ARHGAP15: variants seen among roughly 807,000 people sequenced by gnomAD.
ARHGAP15 encodes rho GTPase-activating protein 15.
ARHGAP15 carries 51 observed loss-of-function variants against 63.7 expected under a neutral mutation model. The ratio of observed to expected loss-of-function variants is 0.80; its 90% CI spans 0.64 to 1.01. The LOEUF is 1.01. ARHGAP15 is among the 50% of genes least tolerant of loss of function. The pLI is 0.00. For missense variants in ARHGAP15, 560 were observed against 564.6 expected, an observed-to-expected ratio of 0.99 and a Z score of 0.08; for synonymous variants, 191 against 193.8, an observed-to-expected ratio of 0.99 and a Z score of 0.12.
At chr2:143,367,921 C>T (rs1249231862) in intron 6 of ARHGAP15, among the ~76,000 whole-genome samples, 2 of 151,912 alleles carry the variant, frequency 1.3e-5, no homozygotes, top group Non-Finnish European at 2.9e-5. Context: ...AAAAGAACTA[C>T]AGATATTTTA....
At chr2:143,348,199 TACTC>T (rs1376028610) in intron 6 of ARHGAP15, among the ~76,000 whole-genome samples, 1 of 152,202 alleles carries the variant, frequency 6.6e-6, no homozygotes, top group African/African-American at 2.4e-5. Flanking sequence ...CTTGATGTCA[TACTC>T]ACAATGCCTC....
At chr2:143,449,911 G>A (rs1296701913) in intron 8 of ARHGAP15, among the ~76,000 whole-genome samples, 1 of 151,608 alleles carries the variant, frequency 6.6e-6, no homozygotes, top group East Asian at 1.9e-4. Flanking sequence ...CCCCTAAAAT[G>A]TCCAGTCTTT....
intron 2 of ARHGAP15, among the ~76,000 whole-genome samples, chr2:143,160,488 C>T (rs1325872920): frequency 1.3e-5 from 2 of 151,956 alleles, no homozygotes; most frequent in East Asian, 3.9e-4. Context: ...TTCTTTACCA[C>T]TGGGAGGGCA....
chr2:143,145,813 G>T (rs1455648052), intron 1 of ARHGAP15, among the ~76,000 whole-genome samples: 2 of 149,950 alleles, frequency 1.3e-5, no homozygotes, highest in Admixed American at 1.3e-4. Flanking sequence ...GAGATAACAG[G>T]TCCTTCCAAT....
At chr2:143,534,178 G>A (rs1451813278) in intron 10 of ARHGAP15, among the ~76,000 whole-genome samples, 3 of 152,110 alleles carry the variant, frequency 2.0e-5, no homozygotes, top group African/African-American at 7.2e-5. Flanking sequence ...GAGTTCTCAC[G>A]AGATCTGATG....
At chr2:143,290,575 T>G (rs1232254559) in intron 6 of ARHGAP15, among the ~76,000 whole-genome samples, 1 of 152,160 alleles carries the variant, frequency 6.6e-6, no homozygotes. Flanking sequence ...AGAAAACTTT[T>G]TTTTAACATT....
intron 4 of ARHGAP15, among the ~76,000 whole-genome samples, chr2:143,225,556 G>C (rs577737683): frequency 6.6e-5 from 10 of 152,330 alleles, no homozygotes; most frequent in Non-Finnish European, 1.5e-4. Flanking sequence ...AGCGGAGATT[G>C]CGCCACTGCA....
At chr2:143,352,576 A>T (rs1408819092) in intron 6 of ARHGAP15, among the ~76,000 whole-genome samples, 1 of 152,210 alleles carries the variant, frequency 6.6e-6, no homozygotes. Flanking sequence ...ATGTGCTATA[A>T]TATTTTCTAC....
intron 2 of ARHGAP15, among the ~76,000 whole-genome samples, chr2:143,165,952 A>AAGAG (rs1415268049): frequency 7.5e-6 from 1 of 132,940 alleles, no homozygotes; most frequent in Non-Finnish European, 1.6e-5. Context: ...AGAAGAAAGA[A>AAGAG]AGAAAGAGAG....
chr2:143,676,443 C>CTT (rs1682828992), intron 12 of ARHGAP15: 1 of 152,200 alleles, frequency 6.6e-6, no homozygotes, highest in Non-Finnish European at 1.5e-5. Flanking sequence ...TCACTAAGCT[C>CTT]AATCCTGTTC....
intron 12 of ARHGAP15, among the ~76,000 whole-genome samples, chr2:143,681,670 G>T (rs1683105685): frequency 6.6e-6 from 1 of 152,134 alleles, no homozygotes; most frequent in African/African-American, 2.4e-5. Context: ...CCAACCGTAT[G>T]TTCCTATTTT....
chr2:143,299,753 GT>G (rs1682812797), intron 6 of ARHGAP15, among the ~76,000 whole-genome samples: 2 of 152,080 alleles, frequency 1.3e-5, no homozygotes, highest in Non-Finnish European at 2.9e-5. Flanking sequence ...CAAAATACAA[GT>G]GTTTTCCATG....
intron 13 of ARHGAP15, among the ~76,000 whole-genome samples, chr2:143,740,919 A>G (rs1369663930): frequency 6.6e-6 from 1 of 152,126 alleles, no homozygotes; most frequent in Non-Finnish European, 1.5e-5. Context: ...GCTGTGGTTA[A>G]TTGAAAAAAA....
At chr2:143,571,834 T>A (rs1696469700) in intron 11 of ARHGAP15, 1 of 152,286 alleles carries the variant, frequency 6.6e-6, no homozygotes, top group South Asian at 2.1e-4. Context: ...CAATATCCCA[T>A]CAGTCCTGGG....
chr2:143,535,447 G>A (rs532782277), intron 10 of ARHGAP15, among the ~76,000 whole-genome samples: 1 of 152,186 alleles, frequency 6.6e-6, no homozygotes, highest in East Asian at 1.9e-4. Context: ...TCCTCCAATA[G>A]GATTTCAAGA....
intron 5 of ARHGAP15, among the ~76,000 whole-genome samples, chr2:143,241,245 G>T (rs1693848473): frequency 6.6e-6 from 1 of 152,096 alleles, no homozygotes; most frequent in Admixed American, 6.5e-5. Context: ...CAGATCACCT[G>T]GGTTAGGAAT....
intron 6 of ARHGAP15, among the ~76,000 whole-genome samples, chr2:143,431,297 A>C (rs941775916): frequency 2.6e-5 from 4 of 152,050 alleles, no homozygotes; most frequent in Non-Finnish European, 5.9e-5. Flanking sequence ...GTAATCTCTT[A>C]ATTCTATCAT....
intron 12 of ARHGAP15, among the ~76,000 whole-genome samples, chr2:143,645,810 CA>C (rs1196895898): frequency 2.0e-5 from 3 of 152,042 alleles, no homozygotes; most frequent in Non-Finnish European, 4.4e-5. Flanking sequence ...CTTGCAAACA[CA>C]AGCTTTTTTA....
chr2:143,377,683 A>G (rs1003791147), intron 6 of ARHGAP15, among the ~76,000 whole-genome samples: 5 of 152,042 alleles, frequency 3.3e-5, no homozygotes, highest in African/African-American at 1.2e-4. Flanking sequence ...AAAAGGTTTG[A>G]GTTGGAGTTT....
Sources: gnomAD v4.1 joint callset for allele counts (sites outside exome capture counted in the v4.1 genomes callset) on GRCh38, gnomAD v4.1.1 for gene constraint, MANE v1.5 for transcripts, NCBI Gene and HGNC (gene_info 2026-07-23, HGNC 2026-07-21) for gene names.